Variants in RBL1 observed in about 807,000 individuals in gnomAD.
RBL1 encodes the protein retinoblastoma-like protein 1.
Under a neutral mutation model 123.0 loss-of-function variants are expected in RBL1, and 82 were observed. The observed-to-expected ratio is 0.67, with a 90% CI of 0.56 to 0.80. RBL1 has a LOEUF of 0.80. Among genes scored for constraint, RBL1 ranks in the 30% least tolerant of loss-of-function variants. The pLI is 0.00. For missense variants in RBL1, 1,171 were observed against 1,299.6 expected, an observed-to-expected ratio of 0.90 and a Z score of 1.52; for synonymous variants, 405 against 441.3, an observed-to-expected ratio of 0.92 and a Z score of 1.03.
At chr20:37,054,697 G>A (rs941665384) in intron 11 of RBL1, among the ~76,000 whole-genome samples, 1 of 151,728 alleles carries the variant, frequency 6.6e-6, no homozygotes, top group Non-Finnish European at 1.5e-5. Context: ...AGGCGTGGTG[G>A]CGGGCGCCTG....
rs745979300 is a variant in RBL1 at position 37,018,341 on chromosome 20, A to G, written c.2660T>C (p.Ile887Thr). 18 of 1,612,420 alleles carry G rather than the reference A, an allele frequency of 1.1e-5. No homozygotes were observed. Among genetic ancestry groups the G allele is most frequent in the Admixed American group, 5.0e-5 (3 of 59,638 alleles). ...HVYRSVLLKSIPREVVAYNKN... is the reference protein window; with the variant it reads ...HVYRSVLLKSTPREVVAYNKN... ...ATTATATGCCACAACTTCTCTTGGA[A>G]TACTTTTCAGCAGAACACTTCTATA... is the stretch of plus-strand genomic sequence containing the variant. Residue 887 changes from isoleucine to threonine, a missense_variant, in exon 19 of 22, where the codon ATT becomes ACT. Ile to Thr is a moderately conservative substitution (Grantham distance 89). Coordinates refer to ENST00000373664, the MANE Select transcript of RBL1 (RefSeq NM_002895.5).
intron 3 of RBL1, 135 bp downstream of exon 3, chr20:37,067,851 G>T: frequency 4.9e-5 from 43 of 885,372 alleles, no homozygotes; most frequent in East Asian, 1.2e-4. Context: ...ATGGATAATT[G>T]TACATGGATT....
chr20:37,073,904 A>C (rs1054351883), intron 2 of RBL1, among the ~76,000 whole-genome samples: 1 of 151,808 alleles, frequency 6.6e-6, no homozygotes, highest in African/African-American at 2.4e-5. Flanking sequence ...CAGGAGATCG[A>C]GACCATCCTG....
intron 21 of RBL1, among the ~76,000 whole-genome samples, chr20:36,999,858 G>A (rs1188160533): frequency 6.6e-6 from 1 of 152,182 alleles, no homozygotes; most frequent in Non-Finnish European, 1.5e-5. Flanking sequence ...CCACTTCCCA[G>A]CTGCCTGCCT....
intron 19 of RBL1, among the ~76,000 whole-genome samples, chr20:37,014,085 C>CTCT (rs2064210034): frequency 1.5e-5 from 2 of 136,324 alleles, no homozygotes; most frequent in African/African-American, 5.5e-5. Context: ...AACTTTCTCT[C>CTCT]TTTTTTTTTT....
chr20:37,035,257 T>C lies in RBL1; in HGVS notation c.2155A>G (p.Thr719Ala). 6.2e-7 allele frequency: 1 copy of C among 1,613,014 alleles called. No homozygotes were observed. The highest frequency in any genetic ancestry group is 8.5e-7 in the Non-Finnish European group (1 of 1,179,360). Residue 719 changes from threonine to alanine, a missense_variant, in exon 15 of 22, where the codon ACA becomes GCA. Transcript: ENST00000373664. ...ATAACGTTACCATGTAATGGAATTG[T>C]AACTTTATGTCCTGTTGTTCCTGTT... ...PVTGTTGHKV[T>A]IPLHGVANDA... is the part of the protein sequence containing the mutation.
intron 2 of RBL1, among the ~76,000 whole-genome samples, chr20:37,071,081 G>T (rs2065275206): frequency 6.6e-6 from 1 of 151,984 alleles, no homozygotes; most frequent in Non-Finnish European, 1.5e-5. Context: ...TTTTAGTAGA[G>T]ACAAGGTTTC....
chr20:37,032,916 T>C, intron 15 of RBL1, 40 bp from the exon 16 acceptor site: 1 of 1,607,016 alleles, frequency 6.2e-7, no homozygotes, highest in Non-Finnish European at 8.5e-7. Flanking sequence ...CTGCATATGT[T>C]CTAGGAAAGT....
Position 37,022,720 on chromosome 20 carries a change from T to C in RBL1, c.2489A>G (p.His830Arg), listed in dbSNP as rs2064361159. ...CCTGTCTTTCATTAGATCAGGACAG[T>C]GAACTAAAGTGAATTCAAAACACGT... ...IWTCFEFTLV[H>R]CPDLMKDRHL... Residue 830 changes from histidine to arginine, a missense_variant, in exon 17 of 22, where the codon CAC (histidine) becomes CGC (arginine). Coordinates refer to ENST00000373664, the MANE Select transcript of RBL1 (RefSeq NM_002895.5). 1 of 1,614,018 alleles carries C rather than the reference T, an allele frequency of 6.2e-7. No individual in the cohort carries two copies. Among genetic ancestry groups the C allele is most frequent in the South Asian group, 1.1e-5 (1 of 91,082 alleles).
At chr20:37,062,016 C>T in intron 8 of RBL1, 68 bp downstream of exon 8, 1 of 1,413,262 alleles carries the variant, frequency 7.1e-7, no homozygotes, top group Non-Finnish European at 9.5e-7. Flanking sequence ...GATGCTTCTG[C>T]TGTTAGTAGA....
intron 7 of RBL1, among the ~76,000 whole-genome samples, chr20:37,063,457 T>C (rs1251567812): frequency 6.6e-6 from 1 of 152,138 alleles, no homozygotes; most frequent in East Asian, 1.9e-4. Flanking sequence ...GAGACCAGCC[T>C]GGGCAACACA....
intron 9 of RBL1, among the ~76,000 whole-genome samples, chr20:37,058,120 A>C (rs904399731): frequency 6.8e-6 from 1 of 146,662 alleles, no homozygotes; most frequent in Non-Finnish European, 1.5e-5. Flanking sequence ...CTGTCTAAAA[A>C]AAAAAAAAAC....
intron 16 of RBL1, among the ~76,000 whole-genome samples, chr20:37,026,431 C>T (rs964570298): frequency 1.6e-4 from 24 of 151,952 alleles, no homozygotes; most frequent in Admixed American, 3.9e-4. Context: ...TATTGCCGGG[C>T]GCAGTGGCTC....
chr20:37,004,967 G>A (rs998115578), intron 20 of RBL1, among the ~76,000 whole-genome samples: 1 of 151,868 alleles, frequency 6.6e-6, no homozygotes, highest in Admixed American at 6.6e-5. Context: ...GTTTGAACCC[G>A]GGGACAGAGG....
At chr20:37,084,454 C>T (rs1446699576) in intron 2 of RBL1, among the ~76,000 whole-genome samples, 1 of 151,950 alleles carries the variant, frequency 6.6e-6, no homozygotes, top group Non-Finnish European at 1.5e-5. Flanking sequence ...AGAAAAATAA[C>T]TGTAGAGCAA....
intron 2 of RBL1, among the ~76,000 whole-genome samples, chr20:37,087,195 C>T (rs891410497): frequency 2.0e-5 from 3 of 152,102 alleles, no homozygotes; most frequent in African/African-American, 4.8e-5. Context: ...ATTAGCTGGG[C>T]GTGGTGGCAC....
intron 2 of RBL1, among the ~76,000 whole-genome samples, chr20:37,076,773 C>G (rs1412610179): frequency 6.6e-6 from 1 of 152,068 alleles, no homozygotes; most frequent in Non-Finnish European, 1.5e-5. Flanking sequence ...AGTAAAACCC[C>G]TTCTATCACT....
intron 16 of RBL1, among the ~76,000 whole-genome samples, chr20:37,023,669 T>C (rs2064377959): frequency 6.6e-6 from 1 of 151,946 alleles, no homozygotes; most frequent in South Asian, 2.1e-4. Flanking sequence ...CCTGTGAAAA[T>C]AAATTCAGTT....
At chr20:37,085,754 C>T (rs530059176) in intron 2 of RBL1, among the ~76,000 whole-genome samples, 5 of 143,408 alleles carry the variant, frequency 3.5e-5, no homozygotes, top group South Asian at 4.5e-4. Flanking sequence ...CCTGGGTTCA[C>T]GCCATACTCC....
Sources: allele counts gnomAD v4.1 joint callset (sites outside exome capture counted in the v4.1 genomes callset), GRCh38; gene constraint gnomAD v4.1.1; transcripts MANE v1.5; gene names NCBI Gene and HGNC (gene_info 2026-07-23, HGNC 2026-07-21).